INTS10: variants seen among roughly 807,000 people sequenced by gnomAD.
The protein encoded by INTS10 is chromosome 8 open reading frame 35.
Under a neutral mutation model 94.4 loss-of-function variants are expected in INTS10, and 44 were observed. The observed-to-expected ratio is 0.47, with a 90% confidence interval of 0.37 to 0.60. The LOEUF (loss-of-function observed/expected upper bound fraction) is 0.60, where lower values mean the gene tolerates loss of function less well. Among genes scored for constraint, INTS10 ranks in the 20% least tolerant of loss-of-function variants. The pLI is 0.00. For missense variants in INTS10, 797 were observed against 868.7 expected (o/e 0.92, Z 1.04); for synonymous variants, 341 against 320.7 (o/e 1.06, Z -0.68).
chr8:19,834,484 C>T (rs574692195), intron 12 of INTS10, among the ~76,000 whole-genome samples: 10 of 152,278 alleles, frequency 6.6e-5, no homozygotes, highest in Non-Finnish European at 1.2e-4. Context: ...AAAGGCAGCA[C>T]GTATTTACTC....
chr8:19,817,445 G>A lies in INTS10; in HGVS notation c.-93G>A. ...ATGCGCAGTAGCCTCCCCCGCGGTG[G>A]CGGCGGCGGCGGCGGTGGCTGCCGT... On this transcript the variant is annotated 5_prime_UTR_variant, in exon 1 of 17. Transcript: ENST00000397977. 2 of 1,425,058 alleles carry A rather than the reference G, an allele frequency of 1.4e-6. No individual in the cohort carries two copies. The highest frequency in any genetic ancestry group is 2.7e-5 in the South Asian group (2 of 74,990). The allele number at this position is 1,425,058 out of a possible 1,614,324, so 88.3% of individuals were successfully genotyped here. A position where few individuals can be genotyped will look rare whatever the true frequency, so the allele number is the denominator to read the frequency against.
At chr8:19,837,601 T>C (rs1450377287) in intron 13 of INTS10, 1 of 156,636 alleles carries the variant, frequency 6.4e-6, no homozygotes, top group Non-Finnish European at 1.4e-5. Context: ...GATGATTAAT[T>C]AGGAGGTATC....
intron 8 of INTS10, 43 bp from the exon 9 acceptor site, chr8:19,826,383 C>G (rs757951062): frequency 6.4e-7 from 1 of 1,564,202 alleles, no homozygotes; most frequent in Non-Finnish European, 8.6e-7. Flanking sequence ...CGCCTGGCCT[C>G]CTTGCTGCAC....
chr8:19,828,722 G>GTTTT (rs546461512), intron 9 of INTS10, among the ~76,000 whole-genome samples: 1 of 143,170 alleles, frequency 7.0e-6, no homozygotes, highest in Admixed American at 7.0e-5. Context: ...TACGGTTGTG[G>GTTTT]TTTTTTTTTT....
At chr8:19,823,543 C>G in intron 6 of INTS10, 102 bp downstream of exon 6, 1 of 854,904 alleles carries the variant, frequency 1.2e-6, no homozygotes, top group Non-Finnish European at 1.9e-6. Context: ...GGATACTTAC[C>G]AGTTTGGGAG....
chr8:19,844,384 C>T (rs2068399258), intron 15 of INTS10, 146 bp downstream of exon 15: 1 of 639,262 alleles, frequency 1.6e-6, no homozygotes, highest in African/African-American at 1.8e-5. Flanking sequence ...AAAACTGGGG[C>T]TGTGGCAGTT....
rs552165134 is a variant in INTS10 at position 19,823,818 on chromosome 8, A to G, written c.665-55A>G. ...AGTCAGACTTTCTTTATCAGGTACCATGTCAACAGTAAGTCATAATGTTAA... is the reference window on the plus strand; with the variant it reads ...AGTCAGACTTTCTTTATCAGGTACCGTGTCAACAGTAAGTCATAATGTTAA... On this transcript the variant is annotated intron_variant, in intron 6 of 16. Coordinates refer to ENST00000397977, the MANE Select transcript of INTS10 (RefSeq NM_018142.4). 1.8e-4 allele frequency: 254 copies of G among 1,390,452 alleles called. 1 individual carries two copies. The African/African-American group carries it at 3.5e-3, about 19-fold the overall frequency. 86.1% of individuals were successfully genotyped at this position (1,390,452 alleles called of 1,614,324 possible).
At chr8:19,824,997 C>T in intron 8 of INTS10, 25 bp downstream of exon 8, 2 of 1,598,398 alleles carry the variant, frequency 1.3e-6, no homozygotes, top group Non-Finnish European at 1.7e-6. Context: ...TTTAGAGTGT[C>T]CAAAAAGCCA....
intron 10 of INTS10, 53 bp downstream of exon 10, chr8:19,830,612 C>G: frequency 6.7e-7 from 1 of 1,492,876 alleles, no homozygotes; most frequent in Non-Finnish European, 9.2e-7. Context: ...AAAATCATTA[C>G]GCTACTTCAA....
intron 7 of INTS10, 109 bp from the exon 8 acceptor site, chr8:19,824,694 C>T (rs187530681): frequency 1.5e-6 from 1 of 677,200 alleles, no homozygotes; most frequent in East Asian, 2.8e-5. Context: ...GTTTTACATG[C>T]CTAGGGCAAC....
At chr8:19,850,171 G>C (rs1308496719) in intron 16 of INTS10, among the ~76,000 whole-genome samples, 1 of 151,964 alleles carries the variant, frequency 6.6e-6, no homozygotes, top group East Asian at 1.9e-4. Flanking sequence ...AAAAAAGGAG[G>C]GTTTGCCCTT....
At chr8:19,833,446 T>G in intron 12 of INTS10, 125 bp downstream of exon 12, 5 of 615,264 alleles carry the variant, frequency 8.1e-6, no homozygotes, top group Non-Finnish European at 1.2e-5. Context: ...CCTAGATTTA[T>G]TACTTAATCT....
chr8:19,836,911 G>A, intron 12 of INTS10, 141 bp from the exon 13 acceptor site: 2 of 621,134 alleles, frequency 3.2e-6, no homozygotes, highest in East Asian at 5.4e-5. Context: ...ATTGAGCAAT[G>A]GTAATGATCA....
intron 2 of INTS10, chr8:19,818,631 A>G: frequency 2.4e-6 from 1 of 412,486 alleles, no homozygotes. Flanking sequence ...CTTGTTATAG[A>G]GAACAAAAAG....
At chr8:19,819,756 C>A in intron 3 of INTS10, 80 bp downstream of exon 3, 1 of 1,021,336 alleles carries the variant, frequency 9.8e-7, no homozygotes, top group Non-Finnish European at 1.5e-6. Flanking sequence ...AAAGTCACAC[C>A]TGGGGTATTG....
rs1589934125 is a variant in INTS10 at position 19,823,593 on chromosome 8, A to T, written c.664+152A>T. ...GTATCTAGAAAAAAAATACTAAAAG[A>T]TGAGGCTTTTCTGGAAGCAATGCCA... On this transcript the variant is annotated intron_variant, in intron 6 of 16. Transcript: ENST00000397977. 5 of 658,864 alleles carry T rather than the reference A, an allele frequency of 7.6e-6. No homozygotes were observed. The East Asian group carries it at 1.4e-4, about 18-fold the overall frequency. The allele number at this position is 658,864 out of a possible 1,614,324, so 40.8% of individuals were successfully genotyped here.
rs1216801639 is a variant in INTS10 at position 19,830,387 on chromosome 8, C to T, written c.1141-19C>T. On this transcript the variant is annotated intron_variant, in intron 9 of 16. Transcript: ENST00000397977. ...TATTTATAACTGAATTAACCATGTT[C>T]TCCACATTCTTTAAGCAGAGTTCAG... The T allele has an allele frequency of 6.2e-7, 1 of 1,602,520 alleles. No homozygotes were observed. The highest frequency in any genetic ancestry group is 1.7e-5 in the Admixed American group (1 of 58,098).
At chr8:19,829,154 C>CT (rs1323085681) in intron 9 of INTS10, among the ~76,000 whole-genome samples, 4 of 152,010 alleles carry the variant, frequency 2.6e-5, no homozygotes, top group Non-Finnish European at 5.9e-5. Context: ...CATTATTATA[C>CT]TTTAAGTTCT....
At chr8:19,840,458 T>G (rs528036954) in intron 13 of INTS10, among the ~76,000 whole-genome samples, 1 of 152,240 alleles carries the variant, frequency 6.6e-6, no homozygotes, top group South Asian at 2.1e-4. Flanking sequence ...AAAATGTAAG[T>G]GGAAATATTA....
Sources: allele counts gnomAD v4.1 joint callset (sites outside exome capture counted in the v4.1 genomes callset), GRCh38; gene constraint gnomAD v4.1.1; transcripts MANE v1.5; gene names NCBI Gene and HGNC (gene_info 2026-07-23, HGNC 2026-07-21).